PLPP3: variants seen among roughly 807,000 people sequenced by gnomAD.
PLPP3 encodes the protein phospholipid phosphatase 3, also known as PAP2 beta.
PLPP3 carries 6 observed loss-of-function variants against 29.6 expected under a neutral mutation model. That is an observed-to-expected ratio of 0.20 (90% CI 0.11 to 0.40). PLPP3 has a LOEUF of 0.40. Ranked by LOEUF, PLPP3 falls within the 10% of genes least tolerant of loss-of-function variation. The pLI is 1.00. For synonymous variants in PLPP3, 152 were observed against 159.7 expected (o/e 0.95, Z 0.36); for missense variants, 308 against 407.7 (o/e 0.76, Z 2.11).
chr1:56,564,379 C>T (rs1646148269), intron 1 of PLPP3, among the ~76,000 whole-genome samples: 1 of 148,746 alleles, frequency 6.7e-6, no homozygotes, highest in South Asian at 2.1e-4. Flanking sequence ...GTTTTGTTTG[C>T]TTTGAGGGGC....
intron 1 of PLPP3, among the ~76,000 whole-genome samples, chr1:56,545,892 G>A (rs992127122): frequency 2.6e-5 from 4 of 152,036 alleles, no homozygotes; most frequent in Non-Finnish European, 5.9e-5. Flanking sequence ...TGCCAAAAGC[G>A]AAGAGGTGAG....
At chr1:56,577,327 T>G (rs1311695876) in intron 1 of PLPP3, among the ~76,000 whole-genome samples, 1 of 152,202 alleles carries the variant, frequency 6.6e-6, no homozygotes, top group Non-Finnish European at 1.5e-5. Flanking sequence ...ACAATTCCTT[T>G]ACATAGCATC....
rs867537988 is a variant in PLPP3, at chr1:56,536,988, G to A, written c.264C>T (p.Leu88=). 6.2e-7 allele frequency: 1 copy of A among 1,613,632 alleles called. No homozygotes were observed. Among genetic ancestry groups the A allele is most frequent in the African/African-American group, 1.3e-5 (1 of 74,842 alleles). The change falls in exon 2 of 6, where the codon CTC becomes CTT. Residue 88 remains leucine, a synonymous_variant. Transcript: ENST00000371250. ...TGGCAATGACGATCCCCACGGCACA[G>A]AGCACAGCGTCATTTATTGTCTCAC... ...KTGETINDAV[L]CAVGIVIAIL...
chr1:56,537,692 C>A (rs1645937725), intron 1 of PLPP3, among the ~76,000 whole-genome samples: 1 of 151,388 alleles, frequency 6.6e-6, no homozygotes, highest in South Asian at 2.1e-4. Context: ...TCAACGCACA[C>A]ACAACCTCTA....
At chr1:56,543,577 T>C (rs1213092725) in intron 1 of PLPP3, among the ~76,000 whole-genome samples, 1 of 152,226 alleles carries the variant, frequency 6.6e-6, no homozygotes, top group Non-Finnish European at 1.5e-5. Context: ...AGGGCTTCTA[T>C]TTAAAGTAAT....
At chr1:56,559,408 A>G (rs890121131) in intron 1 of PLPP3, among the ~76,000 whole-genome samples, 3 of 111,094 alleles carry the variant, frequency 2.7e-5, no homozygotes, top group African/African-American at 9.4e-5. Context: ...CCTTTTAAAC[A>G]TAATCATATG....
intron 2 of PLPP3, among the ~76,000 whole-genome samples, chr1:56,532,873 A>G (rs1645899279): frequency 6.6e-6 from 1 of 152,062 alleles, no homozygotes; most frequent in African/African-American, 2.4e-5. Context: ...AACAGACATG[A>G]CAATCAGCAC....
At position 56,536,333 on chromosome 1, in the gene PLPP3, A is replaced by T. The variant is rs185883281; in HGVS notation, c.297+622T>A. Among the ~76,000 whole-genome samples, 568 of 152,300 alleles carry T rather than the reference A, an allele frequency of 3.7e-3. 14 individuals carry two copies. Among genetic ancestry groups the T allele is most frequent in the Admixed American group, 0.033 (500 of 15,292 alleles). On this transcript the variant is annotated intron_variant, in intron 2 of 5. Coordinates refer to ENST00000371250, the MANE Select transcript of PLPP3 (RefSeq NM_003713.5). ...AGACCTTTCATTTTTCAGTTTTCAA[A>T]CACAAAGATCCTTAGTCCACCTTTA...
At chr1:56,547,980 A>G (rs780480477) in intron 1 of PLPP3, among the ~76,000 whole-genome samples, 1 of 152,238 alleles carries the variant, frequency 6.6e-6, no homozygotes, top group Non-Finnish European at 1.5e-5. Context: ...GGTATTTAAC[A>G]AAGATTAGTT....
chr1:56,546,058 C>T (rs1017598633), intron 1 of PLPP3, among the ~76,000 whole-genome samples: 1 of 152,216 alleles, frequency 6.6e-6, no homozygotes, highest in African/African-American at 2.4e-5. Flanking sequence ...TCCGTTTGGC[C>T]TACCCAGGGT....
intron 5 of PLPP3, among the ~76,000 whole-genome samples, chr1:56,504,558 G>A (rs539157874): frequency 6.6e-6 from 1 of 152,250 alleles, no homozygotes; most frequent in African/African-American, 2.4e-5. Flanking sequence ...AAGGGAGAAT[G>A]AGGCTACTAT....
chr1:56,518,749 T>C (rs1423615938), intron 4 of PLPP3, among the ~76,000 whole-genome samples: 3 of 119,026 alleles, frequency 2.5e-5, no homozygotes, highest in Non-Finnish European at 5.9e-5. Context: ...AGGGTCTCAC[T>C]ATGTTGCCCA....
Position 56,496,614 on chromosome 1 carries a change from G to C in PLPP3, c.873C>G (p.Ile291Met). 6.2e-7 allele frequency: 1 copy of C among 1,613,994 alleles called. No homozygotes were observed. The highest frequency in any genetic ancestry group is 8.5e-7 in the Non-Finnish European group (1 of 1,179,904). ...KTTLSLPAPA[I>M]RKEILSPVDI... Reference sequence around the variant, plus strand: ...CCACAGGTGAAAGGATTTCCTTCCGGATAGCAGGGGCAGGCAGGGAGAGCG... The same window carrying C: ...CCACAGGTGAAAGGATTTCCTTCCGCATAGCAGGGGCAGGCAGGGAGAGCG... The change falls in exon 6 of 6, where the codon ATC becomes ATG. Residue 291 changes from isoleucine to methionine, a missense_variant. Transcript: ENST00000371250.
chr1:56,574,943 C>T (rs962003182), intron 1 of PLPP3, among the ~76,000 whole-genome samples: 2 of 152,142 alleles, frequency 1.3e-5, no homozygotes, highest in African/African-American at 4.8e-5. Context: ...GGTAAAGAAA[C>T]TGAGACTCAG....
intron 5 of PLPP3, among the ~76,000 whole-genome samples, chr1:56,499,667 G>A (rs751231835): frequency 4.0e-4 from 61 of 152,292 alleles, no homozygotes; most frequent in Non-Finnish European, 7.2e-4. Flanking sequence ...CCCACTTTAA[G>A]CTGTATTTCA....
At chr1:56,498,807 T>C (rs1270094978) in intron 5 of PLPP3, among the ~76,000 whole-genome samples, 1 of 152,104 alleles carries the variant, frequency 6.6e-6, no homozygotes, top group Non-Finnish European at 1.5e-5. Context: ...CTAATTTTTA[T>C]ATTTTTAGTA....
chr1:56,558,292 C>A (rs1646098030), intron 1 of PLPP3, among the ~76,000 whole-genome samples: 1 of 152,176 alleles, frequency 6.6e-6, no homozygotes, highest in South Asian at 2.1e-4. Flanking sequence ...GGTTTCATCT[C>A]CCAACACTGG....
chr1:56,556,940 GAGAGAGAC>G, intron 1 of PLPP3, among the ~76,000 whole-genome samples: 1 of 121,066 alleles, frequency 8.3e-6, no homozygotes, highest in Admixed American at 9.7e-5. Flanking sequence ...GAGAGAGAGA[GAGAGAGAC>G]AGAGAGAAAG....
In PLPP3 at chr1:56,551,952, G is replaced by T. The variant is rs545682489; in HGVS notation, c.140-14840C>A. Among the ~76,000 whole-genome samples the T allele has an allele frequency of 2.6e-5, 4 of 152,304 alleles. No homozygotes were observed. In the East Asian group the frequency reaches 5.8e-4, roughly 22 times the overall value. On this transcript the variant is annotated intron_variant, in intron 1 of 5. Coordinates refer to ENST00000371250, the MANE Select transcript of PLPP3 (RefSeq NM_003713.5). Reference sequence around the variant, plus strand: ...GCCAATTAGCAGAAGGCTTAGAGCTGCAGGTTTGAGAACTGGGGAGCAGGT... The same window carrying T: ...GCCAATTAGCAGAAGGCTTAGAGCTTCAGGTTTGAGAACTGGGGAGCAGGT...
Sources: gnomAD v4.1 joint callset for allele counts (sites outside exome capture counted in the v4.1 genomes callset) on GRCh38, gnomAD v4.1.1 for gene constraint, MANE v1.5 for transcripts, NCBI Gene and HGNC (gene_info 2026-07-23, HGNC 2026-07-21) for gene names.